Variants in PAFAH2 observed in about 807,000 individuals in gnomAD.
The protein encoded by PAFAH2 is platelet-activating factor acetylhydrolase 2, cytoplasmic.
In PAFAH2, 42 loss-of-function variants were observed where a neutral mutation model predicts 49.0. The observed-to-expected ratio is 0.86, with a 90% CI of 0.67 to 1.11. PAFAH2 has a LOEUF of 1.11. Ranked by LOEUF, PAFAH2 falls within the 50% of genes least tolerant of loss-of-function variation. PAFAH2 has a pLI of 0.00. For missense variants in PAFAH2, 503 were observed against 501.8 expected (o/e 1.00, Z -0.02); for synonymous variants, 184 against 181.3 (o/e 1.01, Z -0.12).
At chr1:25,964,357 A>G (rs984964303) in intron 10 of PAFAH2, 5 of 152,274 alleles carry the variant, frequency 3.3e-5, no homozygotes, top group African/African-American at 1.2e-4. Context: ...AAATAAATAA[A>G]TAAAATGACT....
intron 2 of PAFAH2, among the ~76,000 whole-genome samples, chr1:25,990,492 C>G (rs186097057): frequency 1.2e-3 from 181 of 152,236 alleles, no homozygotes; most frequent in African/African-American, 4.3e-3. Context: ...TAGAGTCCCC[C>G]CTTTCCTCCT....
In PAFAH2 at chr1:25,962,092, GA is replaced by G. The variant is rs746640904; in HGVS notation, c.1085-10del. ...ATAGTCTTCTTTCAGGTCTGAAAAGGAAAAAAACAGGAACATTAGGCAAATC... is the reference window on the plus strand; with the variant it reads ...ATAGTCTTCTTTCAGGTCTGAAAAGGAAAAAACAGGAACATTAGGCAAATC... On this transcript the variant is annotated splice_polypyrimidine_tract_variant and intron_variant, in intron 10 of 10. Transcript: ENST00000374282. 2.5e-6 allele frequency: 4 copies of G among 1,596,430 alleles called. No homozygotes were observed. Among genetic ancestry groups the G allele is most frequent in the African/African-American group, 2.7e-5 (2 of 74,106 alleles).
intron 7 of PAFAH2, among the ~76,000 whole-genome samples, chr1:25,977,128 T>G: frequency 6.8e-6 from 1 of 147,346 alleles, no homozygotes; most frequent in Non-Finnish European, 1.5e-5. Context: ...GTTCACGCCA[T>G]TCTCCTGCCT....
chr1:25,975,959 A>C (rs2049581623), intron 8 of PAFAH2, among the ~76,000 whole-genome samples: 1 of 152,078 alleles, frequency 6.6e-6, no homozygotes, highest in African/African-American at 2.4e-5. Flanking sequence ...ATCACAGCTT[A>C]AATTGCCTCC....
intron 8 of PAFAH2, 124 bp downstream of exon 8, chr1:25,976,558 T>C: frequency 3.1e-6 from 2 of 653,660 alleles, no homozygotes; most frequent in East Asian, 5.6e-5. Context: ...CTTGTTTTCT[T>C]GTTTAACCGC....
intron 10 of PAFAH2, among the ~76,000 whole-genome samples, chr1:25,963,797 G>A (rs1159520540): frequency 6.6e-6 from 1 of 152,182 alleles, no homozygotes; most frequent in African/African-American, 2.4e-5. Context: ...CACGGTGCCT[G>A]GCCAGGCCAA....
intron 10 of PAFAH2, among the ~76,000 whole-genome samples, chr1:25,963,665 A>G (rs989854363): frequency 5.3e-5 from 8 of 152,218 alleles, no homozygotes; most frequent in African/African-American, 1.9e-4. Flanking sequence ...CACCACACCC[A>G]GCTAATTTTG....
At chr1:25,984,140 T>G (rs2049741243) in intron 5 of PAFAH2, 53 bp from the exon 6 acceptor site, 1 of 1,607,100 alleles carries the variant, frequency 6.2e-7, no homozygotes, top group South Asian at 1.1e-5. Context: ...TGAGTTTATT[T>G]TTCCCCTTTA....
intron 1 of PAFAH2, among the ~76,000 whole-genome samples, chr1:25,992,655 T>G (rs577533009): frequency 6.6e-6 from 1 of 152,338 alleles, no homozygotes; most frequent in South Asian, 2.1e-4. Context: ...AAAGGCAATT[T>G]ACCCAATAAC....
intron 10 of PAFAH2, among the ~76,000 whole-genome samples, chr1:25,969,436 C>A (rs902059624): frequency 1.3e-5 from 2 of 152,218 alleles, no homozygotes; most frequent in African/African-American, 4.8e-5. Context: ...TCACCGCCAG[C>A]ATAGTGAAGT....
At chr1:25,982,166 A>G (rs2049699440) in intron 7 of PAFAH2, among the ~76,000 whole-genome samples, 198 bp downstream of exon 7, 1 of 152,162 alleles carries the variant, frequency 6.6e-6, no homozygotes, top group South Asian at 2.1e-4. Flanking sequence ...AGGGGAGAGA[A>G]GAGTGCCAGG....
intron 9 of PAFAH2, among the ~76,000 whole-genome samples, chr1:25,973,530 C>CTGGCCTCA (rs1362628884): frequency 6.6e-6 from 1 of 152,102 alleles, no homozygotes; most frequent in Non-Finnish European, 1.5e-5. Flanking sequence ...CTGAGTGTAC[C>CTGGCCTCA]CCTTCCCAAC....
At chr1:25,980,329 G>GTT (rs566266219) in intron 7 of PAFAH2, among the ~76,000 whole-genome samples, 1 of 146,528 alleles carries the variant, frequency 6.8e-6, no homozygotes, top group Non-Finnish European at 1.5e-5. Context: ...AAATATATAA[G>GTT]TTTTTTTTTT....
intron 9 of PAFAH2, among the ~76,000 whole-genome samples, chr1:25,973,938 G>C (rs1430302017): frequency 6.6e-6 from 1 of 152,060 alleles, no homozygotes; most frequent in Non-Finnish European, 1.5e-5. Flanking sequence ...TTTTTTCCCT[G>C]TGAAAAATGG....
At chr1:25,963,019 A>G (rs568720960) in intron 10 of PAFAH2, among the ~76,000 whole-genome samples, 1 of 152,238 alleles carries the variant, frequency 6.6e-6, no homozygotes, top group Non-Finnish European at 1.5e-5. Flanking sequence ...CCCTGAGCTC[A>G]CAGCCAATAG....
chr1:25,971,731 T>C (rs1395262024), intron 10 of PAFAH2, among the ~76,000 whole-genome samples: 2 of 152,198 alleles, frequency 1.3e-5, no homozygotes, highest in African/African-American at 2.4e-5. Flanking sequence ...CTAGTCTTTG[T>C]AACCAATAAA....
At chr1:25,971,996 A>C (rs564176809) in intron 10 of PAFAH2, among the ~76,000 whole-genome samples, 1 of 152,316 alleles carries the variant, frequency 6.6e-6, no homozygotes, top group East Asian at 1.9e-4. Flanking sequence ...ACAGGGAGGA[A>C]ACCAAGGTTC....
chr1:25,982,646 A>G (rs553674964), intron 6 of PAFAH2, among the ~76,000 whole-genome samples, 169 bp from the exon 7 acceptor site: 4 of 152,308 alleles, frequency 2.6e-5, no homozygotes, highest in African/African-American at 9.6e-5. Context: ...TGCAGCTCAC[A>G]TAAGCACTGC....
intron 10 of PAFAH2, among the ~76,000 whole-genome samples, chr1:25,967,721 G>A (rs1161915158): frequency 1.3e-5 from 2 of 152,200 alleles, no homozygotes; most frequent in Non-Finnish European, 2.9e-5. Flanking sequence ...TAGAAAAAGC[G>A]AAAGCAGACA....
Sources: allele counts gnomAD v4.1 joint callset (sites outside exome capture counted in the v4.1 genomes callset), GRCh38; gene constraint gnomAD v4.1.1; transcripts MANE v1.5; gene names NCBI Gene and HGNC (gene_info 2026-07-23, HGNC 2026-07-21).